SYTL5: variants seen among roughly 807,000 people sequenced by gnomAD.
SYTL5 encodes synaptotagmin-like protein 5.
In SYTL5, 34 loss-of-function variants were observed where a neutral mutation model predicts 55.9. The ratio of observed to expected loss-of-function variants is 0.61; its 90% CI spans 0.46 to 0.81. The LOEUF (loss-of-function observed/expected upper bound fraction) is 0.81. Among genes scored for constraint, SYTL5 ranks in the 30% least tolerant of loss-of-function variants. The pLI is 0.00. For missense variants in SYTL5, 637 were observed against 546.7 expected (o/e 1.17, Z -1.65); for synonymous variants, 221 against 188.7 (o/e 1.17, Z -1.40).
intron 1 of SYTL5, among the ~76,000 whole-genome samples, chrX:38,019,745 G>C (rs756192362): frequency 9.0e-6 from 1 of 110,935 alleles, no homozygotes; most frequent in Admixed American, 9.5e-5. Context: ...CCTCAGCCCG[G>C]GTGCCTCAGC....
At chrX:38,076,800 T>C (rs755805868) in intron 6 of SYTL5, 99 bp downstream of exon 6, 18 of 890,446 alleles carry the variant, frequency 2.0e-5, no homozygotes, top group South Asian at 1.7e-4. Flanking sequence ...ATATTACCAC[T>C]TGGAGAACTC....
chrX:37,949,892 G>A, the SYTL5 span, among the ~76,000 whole-genome samples: 73 of 111,711 alleles, frequency 6.5e-4, 1 homozygote, highest in African/African-American at 2.3e-3. Flanking sequence ...GATCTCTCCT[G>A]TCATATAGAC....
At chrX:37,949,564 C>T in the SYTL5 span, among the ~76,000 whole-genome samples, 2 of 111,683 alleles carry the variant, frequency 1.8e-5, no homozygotes, top group Non-Finnish European at 3.8e-5. Flanking sequence ...TAATTTCTTA[C>T]ACCTCACAAG....
chrX:38,070,813 G>A lies in SYTL5; in HGVS notation c.330-1234G>A, dbSNP rs143308412. On this transcript the variant is annotated intron_variant, in intron 3 of 16. Transcript: ENST00000297875. The stretch of plus-strand genomic sequence containing the variant: ...TAATTAGAAATATATTTAGTCTACC[G>A]AATGACTTCTACAGCTGTTAAAATC... 8.5e-3 allele frequency among the ~76,000 whole-genome samples: 952 copies of A among 111,619 alleles called. 5 individuals are homozygous for A. Among genetic ancestry groups the A allele is most frequent in the Middle Eastern group, 0.037 (8 of 216 alleles).
At chrX:38,035,427 T>C (rs1373122532) in intron 2 of SYTL5, among the ~76,000 whole-genome samples, 4 of 111,330 alleles carry the variant, frequency 3.6e-5, no homozygotes, top group African/African-American at 1.3e-4. Context: ...CCATCTCTAC[T>C]AAAAATACAA....
At chrX:38,113,500 G>T (rs1218359379) in intron 13 of SYTL5, among the ~76,000 whole-genome samples, 3 of 111,375 alleles carry the variant, frequency 2.7e-5, no homozygotes, top group African/African-American at 9.8e-5. Flanking sequence ...CACTCCGATG[G>T]AAAGTGGACC....
chrX:38,059,383 GTA>G (rs1429577774), intron 3 of SYTL5, among the ~76,000 whole-genome samples: 2 of 111,510 alleles, frequency 1.8e-5, no homozygotes, highest in Admixed American at 1.9e-4. Flanking sequence ...ATGAGACTCT[GTA>G]TAATATGCCT....
chrX:38,123,638 TGAG>T (rs1229129494), intron 15 of SYTL5, among the ~76,000 whole-genome samples: 1 of 112,288 alleles, frequency 8.9e-6, no homozygotes, highest in Non-Finnish European at 1.9e-5. Flanking sequence ...GCTGCTGGAA[TGAG>T]GAGATGACTC....
chrX:38,009,067 T>G (rs192830402), intron 1 of SYTL5, among the ~76,000 whole-genome samples: 119 of 112,001 alleles, frequency 1.1e-3, no homozygotes, highest in African/African-American at 3.7e-3. Flanking sequence ...AATTCCTACT[T>G]CTTAAATTTT....
chrX:37,914,251 A>G, the SYTL5 span, among the ~76,000 whole-genome samples: 1 of 111,641 alleles, frequency 9.0e-6, no homozygotes, highest in African/African-American at 3.3e-5. Context: ...AAATACTCCT[A>G]CATGTGAAGC....
intron 1 of SYTL5, among the ~76,000 whole-genome samples, chrX:38,017,595 T>C (rs1934397323): frequency 9.1e-6 from 1 of 109,781 alleles, no homozygotes; most frequent in African/African-American, 3.3e-5. Context: ...AAACCGAAGA[T>C]CAGGCTGCTT....
At chrX:37,976,615 T>C in the SYTL5 span, among the ~76,000 whole-genome samples, 1 of 111,404 alleles carries the variant, frequency 9.0e-6, no homozygotes, top group Non-Finnish European at 1.9e-5. Flanking sequence ...ATTTTACAAT[T>C]GTTTTATTAG....
At chrX:37,994,743 G>GGGGGAAGGAGGAGGAGGAGGA in the SYTL5 span, 1 of 110,154 alleles carries the variant, frequency 9.1e-6, no homozygotes, top group Non-Finnish European at 1.9e-5. Context: ...GGTGGTGATG[G>GGGGGAAGGAGGAGGAGGAGGA]GGGGAAGGAG....
intron 1 of SYTL5, among the ~76,000 whole-genome samples, 191 bp downstream of exon 1, chrX:38,006,859 A>T (rs916669037): frequency 9.0e-6 from 1 of 111,357 alleles, no homozygotes. Flanking sequence ...ATTGGTAGCT[A>T]TGAGTTTAAT....
chrX:38,002,613 C>T (rs1420530462), upstream of SYTL5, among the ~76,000 whole-genome samples: 4 of 112,188 alleles, frequency 3.6e-5, no homozygotes, highest in Non-Finnish European at 7.5e-5. Context: ...CTGTGATGGC[C>T]AGTGATGATG....
At chrX:38,106,831 T>A in intron 11 of SYTL5, 60 bp downstream of exon 11, 1 of 977,559 alleles carries the variant, frequency 1.0e-6, no homozygotes, top group Non-Finnish European at 1.4e-6. Flanking sequence ...TCTGTATGTG[T>A]GTTTCCTTTT....
At chrX:37,958,583 A>T in the SYTL5 span, among the ~76,000 whole-genome samples, 1 of 111,835 alleles carries the variant, frequency 8.9e-6, no homozygotes, top group African/African-American at 3.3e-5. Context: ...CTGGCCCCCA[A>T]ATTTTATTTT....
At chrX:38,105,505 C>A (rs1250944717) in intron 10 of SYTL5, among the ~76,000 whole-genome samples, 4 of 112,227 alleles carry the variant, frequency 3.6e-5, no homozygotes, top group African/African-American at 9.7e-5. Context: ...TGGTTGCATT[C>A]TTTTGAGTTT....
intron 1 of SYTL5, among the ~76,000 whole-genome samples, chrX:38,011,527 G>A (rs761365613): frequency 4.5e-5 from 5 of 110,814 alleles, no homozygotes; most frequent in Non-Finnish European, 7.6e-5. Context: ...TCAGCTACTC[G>A]GGAGACTGAG....
Sources: allele counts gnomAD v4.1 joint callset (sites outside exome capture counted in the v4.1 genomes callset), GRCh38; gene constraint gnomAD v4.1.1; transcripts MANE v1.5; gene names NCBI Gene and HGNC (gene_info 2026-07-23, HGNC 2026-07-21).